The following PCDHGA10 variants were observed in gnomAD, a reference collection of about 807,000 sequenced individuals.
The protein encoded by PCDHGA10 is protocadherin gamma subfamily A, 10.
Under a neutral mutation model 59.5 loss-of-function variants are expected in PCDHGA10, and 42 were observed. The observed-to-expected ratio is 0.71, with a 90% CI of 0.55 to 0.91. The LOEUF is 0.91. Among genes scored for constraint, PCDHGA10 ranks in the 40% least tolerant of loss-of-function variants. The probability of loss-of-function intolerance (pLI) is 0.00; values close to 1 mark genes in which losing one functional copy is unlikely to be tolerated. For synonymous variants in PCDHGA10, 511 were observed against 517.2 expected, an observed-to-expected ratio of 0.99 and a Z score of 0.16; for missense variants, 1,111 against 1,198.2, an observed-to-expected ratio of 0.93 and a Z score of 1.07.
rs13436338 is a variant in PCDHGA10, at chr5:141,468,261, G to A, written c.2437-26546G>A. On this transcript the variant is annotated intron_variant, in intron 1 of 3. Coordinates refer to ENST00000398610, the MANE Select transcript of PCDHGA10 (RefSeq NM_018913.3). ...AATTGCCTGAACCTGGGAGGCAGAG[G>A]TTGTGGTGAGCCGAGACCACGCCAT... Among the ~76,000 whole-genome samples, 391 of 149,216 alleles carry A rather than the reference G, an allele frequency of 2.6e-3. 2 individuals are homozygous for A. Among genetic ancestry groups the A allele is most frequent in the African/African-American group, 9.3e-3 (377 of 40,498 alleles).
chr5:141,507,113 C>G (rs1401559943), intron 3 of PCDHGA10: 1 of 152,220 alleles, frequency 6.6e-6, no homozygotes, highest in Non-Finnish European at 1.5e-5. Context: ...GGGACCATGG[C>G]TGCCTTTGGA....
intron 2 of PCDHGA10, among the ~76,000 whole-genome samples, chr5:141,498,114 G>C (rs1336064850): frequency 6.6e-6 from 1 of 152,196 alleles, no homozygotes; most frequent in East Asian, 1.9e-4. Flanking sequence ...CGTATAATAG[G>C]GATTTGATTT....
At chr5:141,443,874 A>G (rs2098409122) in intron 1 of PCDHGA10, among the ~76,000 whole-genome samples, 1 of 152,190 alleles carries the variant, frequency 6.6e-6, no homozygotes, top group Non-Finnish European at 1.5e-5. Flanking sequence ...AATTACTGAT[A>G]AGTCAAGAGA....
At chr5:141,507,842 C>CT (rs2099864170) in intron 3 of PCDHGA10, among the ~76,000 whole-genome samples, 1 of 152,230 alleles carries the variant, frequency 6.6e-6, no homozygotes, top group Admixed American at 6.5e-5. Flanking sequence ...GGGTCAGGCC[C>CT]TGCTCTCACT....
rs2095795912 is a variant in PCDHGA10, at chr5:141,414,855, C to T, written c.1680C>T (p.Asn560=). The T allele has an allele frequency of 1.9e-6, 3 of 1,614,236 alleles. No homozygotes were observed. Among genetic ancestry groups the T allele is most frequent in the Non-Finnish European group, 2.5e-6 (3 of 1,180,052 alleles). Residue 560 remains asparagine, a synonymous_variant, in exon 1 of 4, where the codon AAC becomes AAT. Coordinates refer to ENST00000398610, the MANE Select transcript of PCDHGA10 (RefSeq NM_018913.3). The part of the protein sequence containing the change: ...VSLSLFVLDQ[N]DNAPEILYPA... ...TGAGCCTGTTTGTGCTGGACCAGAA[C>T]GACAATGCGCCCGAGATCCTGTACC...
At position 141,422,099 on chromosome 5, in the gene PCDHGA10, A is replaced by G. The variant is rs374091819; in HGVS notation, c.2436+6488A>G. ...CGGAACATGGAAAGCAAGGCTTCTG[A>G]AATATTCCAATTGGATTCACAAACT... On this transcript the variant is annotated intron_variant, in intron 1 of 3. Transcript: ENST00000398610. 1.9e-6 allele frequency: 3 copies of G among 1,609,706 alleles called. No homozygotes were observed. The African/African-American group carries it at 4.0e-5, about 22-fold the overall frequency.
At chr5:141,421,417 G>A (rs1188564125) in intron 1 of PCDHGA10, 2 of 1,613,950 alleles carry the variant, frequency 1.2e-6, no homozygotes, top group Non-Finnish European at 1.7e-6. Context: ...GGCGAAGCGC[G>A]GAGTCCGCAT....
intron 1 of PCDHGA10, among the ~76,000 whole-genome samples, chr5:141,434,192 A>G (rs2097676888): frequency 6.6e-6 from 1 of 152,194 alleles, no homozygotes; most frequent in Non-Finnish European, 1.5e-5. Context: ...TGTAATTCCA[A>G]TGTACTTACT....
At position 141,505,425 on chromosome 5, in the gene PCDHGA10, C is replaced by G; in HGVS notation, c.2528C>G (p.Pro843Arg). 1 of 1,614,178 alleles carries G rather than the reference C, an allele frequency of 6.2e-7. No individual in the cohort carries two copies. Among genetic ancestry groups the G allele is most frequent in the Non-Finnish European group, 8.5e-7 (1 of 1,180,014 alleles). ...SQNGDDTGTW[P>R]NNQFDTEMLQ... ...AATGGCGATGACACCGGCACCTGGC[C>G]CAACAACCAGTTTGACACAGAGATG... The change falls in exon 3 of 4, where the codon CCC becomes CGC. Residue 843 changes from proline to arginine, a missense_variant. Transcript: ENST00000398610.
chr5:141,509,979 T>C (rs908103989), intron 3 of PCDHGA10, among the ~76,000 whole-genome samples: 4 of 152,204 alleles, frequency 2.6e-5, no homozygotes, highest in African/African-American at 7.2e-5. Context: ...CTTCTAACAC[T>C]TGGTTCCCTC....
chr5:141,496,164 C>A (rs745320704), intron 2 of PCDHGA10, among the ~76,000 whole-genome samples: 1 of 152,084 alleles, frequency 6.6e-6, no homozygotes, highest in East Asian at 1.9e-4. Flanking sequence ...CCACCAGACA[C>A]CCTCCCATCC....
At position 141,486,538 on chromosome 5, in the gene PCDHGA10, C is replaced by A; in HGVS notation, c.2437-8269C>A. 1 of 1,614,150 alleles carries A rather than the reference C, an allele frequency of 6.2e-7. No individual in the cohort carries two copies. Among genetic ancestry groups the A allele is most frequent in the Non-Finnish European group, 8.5e-7 (1 of 1,180,038 alleles). ...ATGTGAATGATAATCCACCCTCTTTCTTTCAGAGGTCACATGAGGTGTTTG... is the reference window on the plus strand; with the variant it reads ...ATGTGAATGATAATCCACCCTCTTTATTTCAGAGGTCACATGAGGTGTTTG... On this transcript the variant is annotated intron_variant, in intron 1 of 3. Coordinates refer to ENST00000398610, the MANE Select transcript of PCDHGA10 (RefSeq NM_018913.3). This position sits in a 1 kb window ranked among gnomAD's most constrained non-coding sequence, Gnocchi z 5.0.
Position 141,431,072 on chromosome 5 carries a change from A to G in PCDHGA10, c.2436+15461A>G. On this transcript the variant is annotated intron_variant, in intron 1 of 3. Transcript: ENST00000398610. The surrounding 1 kb of genome is among the most constrained non-coding windows in gnomAD (Gnocchi z 4.8). ...TATGGGGGCCATCAAGTGTCAATTA[A>G]ATCTAGACATTCTGATGGAGGATAA... is the stretch of plus-strand genomic sequence containing the variant. 1 of 1,614,220 alleles carries G rather than the reference A, an allele frequency of 6.2e-7. No individual in the cohort carries two copies. Among genetic ancestry groups the G allele is most frequent in the Non-Finnish European group, 8.5e-7 (1 of 1,180,012 alleles).
At chr5:141,456,142 C>A (rs1258425044) in intron 1 of PCDHGA10, among the ~76,000 whole-genome samples, 1 of 152,052 alleles carries the variant, frequency 6.6e-6, no homozygotes, top group Non-Finnish European at 1.5e-5. Flanking sequence ...CCTGATCCGC[C>A]CGCCTCGGCC....
chr5:141,413,109 A>G lies in PCDHGA10; in HGVS notation c.-67A>G. ...AGACACCCTGAAGCCACAGAAAGAC[A>G]AAGGAACCGGTTGAAACACACAACG... On this transcript the variant is annotated 5_prime_UTR_variant, in exon 1 of 4. Transcript: ENST00000398610. The G allele has an allele frequency of 1.3e-6, 2 of 1,498,490 alleles. No individual in the cohort carries two copies. Among genetic ancestry groups the G allele is most frequent in the African/African-American group, 1.4e-5 (1 of 71,478 alleles). The allele number at this position is 1,498,490 out of a possible 1,614,324, so 92.8% of individuals were successfully genotyped here.
chr5:141,490,051 G>A lies in PCDHGA10; in HGVS notation c.2437-4756G>A, dbSNP rs779280988. The A allele has an allele frequency of 6.2e-6, 10 of 1,614,094 alleles. No homozygotes were observed. Among genetic ancestry groups the A allele is most frequent in the Admixed American group, 5.0e-5 (3 of 60,012 alleles). ...CCGCCTCAATGCCACTGATCCAGAC[G>A]AGGGCACCAACGGCCAACTAGACTA... On this transcript the variant is annotated intron_variant, in intron 1 of 3. Coordinates refer to ENST00000398610, the MANE Select transcript of PCDHGA10 (RefSeq NM_018913.3). The surrounding 1 kb of genome is among the most constrained non-coding windows in gnomAD (Gnocchi z 5.4).
chr5:141,413,197 T>C lies in PCDHGA10; in HGVS notation c.22T>C (p.Ser8Pro), dbSNP rs1429088178. The C allele has an allele frequency of 6.2e-7, 1 of 1,611,552 alleles. No individual in the cohort carries two copies. Among genetic ancestry groups the C allele is most frequent in the Non-Finnish European group, 8.5e-7 (1 of 1,178,546 alleles). The stretch of plus-strand genomic sequence containing the variant: ...TACAATGGCCGCTCAAAGGAATCGC[T>C]CAAAGGAATCAAAGGATTGCAGCGG... MAAQRNRSKESKDCSGLV... is the reference protein window; with the variant it reads MAAQRNRPKESKDCSGLV... Residue 8 changes from serine (S) to proline (P), a missense_variant, in exon 1 of 4, where the codon TCA (serine) becomes CCA (proline). Ser to Pro is a moderately conservative substitution (Grantham distance 74). Transcript: ENST00000398610.
rs545524357 is a variant in PCDHGA10, at chr5:141,467,902, G to A, written c.2437-26905G>A. ...TCAAACTCCTGAGCTCAAGAAATCC[G>A]CCCACCTCAGCCTCCCAAAATGCTA... On this transcript the variant is annotated intron_variant, in intron 1 of 3. Coordinates refer to ENST00000398610, the MANE Select transcript of PCDHGA10 (RefSeq NM_018913.3). 1.1e-4 allele frequency among the ~76,000 whole-genome samples: 16 copies of A among 151,862 alleles called. No homozygotes were observed. The East Asian group carries it at 2.3e-3, about 22-fold the overall frequency.
At position 141,485,841 on chromosome 5, in the gene PCDHGA10, C is replaced by G. The variant is rs969476505; in HGVS notation, c.2437-8966C>G. On this transcript the variant is annotated intron_variant, in intron 1 of 3. Transcript: ENST00000398610. This position sits in a 1 kb window ranked among gnomAD's most constrained non-coding sequence, Gnocchi z 5.7. Reference sequence around the variant, plus strand: ...GTCGATGGAGGGAACCCGCCGAGATCTGGCACCGCAGAGCTCCGGGTATCC... The same window carrying G: ...GTCGATGGAGGGAACCCGCCGAGATGTGGCACCGCAGAGCTCCGGGTATCC... 29 of 1,614,104 alleles carry G rather than the reference C, an allele frequency of 1.8e-5. No individual in the cohort carries two copies. The highest frequency in any genetic ancestry group is 2.2e-5 in the South Asian group (2 of 91,080).
Sources: gnomAD v4.1 joint callset for allele counts (sites outside exome capture counted in the v4.1 genomes callset) on GRCh38, gnomAD v4.1.1 for gene constraint, Gnocchi (gnomAD v3.1) non-coding constraint, MANE v1.5 for transcripts, NCBI Gene and HGNC (gene_info 2026-07-23, HGNC 2026-07-21) for gene names.